The following CCNY variants were observed in gnomAD, a reference collection of about 807,000 sequenced individuals.
CCNY encodes cyclin Y, also known as cyclin-Y.
In CCNY, 19 loss-of-function variants were observed where a neutral mutation model predicts 42.8. The ratio of observed to expected loss-of-function variants is 0.44; its 90% confidence interval spans 0.31 to 0.65. CCNY has a LOEUF of 0.65. Among genes scored for constraint, CCNY ranks in the 30% least tolerant of loss-of-function variants. The pLI is 0.07. For synonymous variants in CCNY, 165 were observed against 162.7 expected, an observed-to-expected ratio of 1.01 and a Z score of -0.11; for missense variants, 370 against 437.3, an observed-to-expected ratio of 0.85 and a Z score of 1.37.
At chr10:35,394,361 C>T (rs1837477950) in intron 1 of CCNY, among the ~76,000 whole-genome samples, 1 of 152,232 alleles carries the variant, frequency 6.6e-6, no homozygotes, top group African/African-American at 2.4e-5. Flanking sequence ...ATTCAATTAA[C>T]ATGTGCATTT....
intron 3 of CCNY, among the ~76,000 whole-genome samples, chr10:35,273,845 G>A (rs1358209683): frequency 1.3e-5 from 2 of 152,142 alleles, no homozygotes; most frequent in Non-Finnish European, 1.5e-5. Context: ...CCCACCACAG[G>A]TCCCTCTAGT....
At chr10:35,406,818 G>A (rs193280659) in intron 1 of CCNY, among the ~76,000 whole-genome samples, 2,052 of 152,138 alleles carry the variant, frequency 0.013, 27 homozygotes, top group Middle Eastern at 0.034. Flanking sequence ...AGGCAGAGGC[G>A]CCCCTCACCT....
intron 3 of CCNY, among the ~76,000 whole-genome samples, chr10:35,253,043 A>G (rs2095713032): frequency 6.6e-6 from 1 of 152,180 alleles, no homozygotes; most frequent in South Asian, 2.1e-4. Context: ...TCTATTTATG[A>G]CAAAAATTCA....
intron 1 of CCNY, among the ~76,000 whole-genome samples, chr10:35,410,859 G>C (rs563370176): frequency 2.0e-5 from 3 of 152,178 alleles, no homozygotes; most frequent in Non-Finnish European, 4.4e-5. Flanking sequence ...GGAGTTCCAG[G>C]TGACGCTGAT....
chr10:35,553,967 T>G (rs1366829308), intron 8 of CCNY, among the ~76,000 whole-genome samples: 1 of 152,238 alleles, frequency 6.6e-6, no homozygotes, highest in Non-Finnish European at 1.5e-5. Context: ...ACTACTTGAC[T>G]TACAGTTCCT....
intron 3 of CCNY, among the ~76,000 whole-genome samples, chr10:35,272,050 G>C (rs551080400): frequency 6.6e-6 from 1 of 152,126 alleles, no homozygotes; most frequent in Non-Finnish European, 1.5e-5. Flanking sequence ...GCAGTGGAGC[G>C]ATCTCGGCTT....
intron 3 of CCNY, among the ~76,000 whole-genome samples, chr10:35,330,756 ATTTT>A (rs1247357767): frequency 1.4e-5 from 2 of 142,724 alleles, no homozygotes; most frequent in South Asian, 2.2e-4. Flanking sequence ...GGCAGCTTTT[ATTTT>A]TTTTTTTTTT....
intron 2 of CCNY, among the ~76,000 whole-genome samples, chr10:35,498,718 G>T (rs1419164431): frequency 1.3e-5 from 2 of 152,200 alleles, no homozygotes; most frequent in Non-Finnish European, 2.9e-5. Flanking sequence ...CGCTCCAGAA[G>T]CAAGTCGGCC....
At chr10:35,396,069 A>T (rs1421522623) in intron 1 of CCNY, among the ~76,000 whole-genome samples, 4 of 151,976 alleles carry the variant, frequency 2.6e-5, no homozygotes, top group African/African-American at 9.7e-5. Context: ...GAGGGCTGGG[A>T]TACTGACTGG....
intron 1 of CCNY, among the ~76,000 whole-genome samples, chr10:35,457,444 C>G (rs1839061804): frequency 6.6e-6 from 1 of 152,128 alleles, no homozygotes; most frequent in South Asian, 2.1e-4. Flanking sequence ...GAGGCCTTGC[C>G]CCTCCGTGTT....
At chr10:35,478,578 C>G (rs937803914) in intron 1 of CCNY, among the ~76,000 whole-genome samples, 37 of 152,286 alleles carry the variant, frequency 2.4e-4, no homozygotes, top group African/African-American at 8.2e-4. Flanking sequence ...GGAAAACTGG[C>G]TAGCCATATG....
chr10:35,425,892 C>T (rs1020701438), intron 1 of CCNY, among the ~76,000 whole-genome samples: 1 of 152,050 alleles, frequency 6.6e-6, no homozygotes, highest in African/African-American at 2.4e-5. Flanking sequence ...CCCTTAGTGA[C>T]CAACTCTGAC....
At chr10:35,556,167 C>T (rs759857320) in intron 8 of CCNY, among the ~76,000 whole-genome samples, 40 of 152,162 alleles carry the variant, frequency 2.6e-4, no homozygotes, top group Non-Finnish European at 4.9e-4. Flanking sequence ...GATCAGTGCC[C>T]CACATGCCTG....
intron 1 of CCNY, among the ~76,000 whole-genome samples, chr10:35,397,056 T>C (rs28425659): frequency 6.6e-6 from 1 of 152,140 alleles, no homozygotes; most frequent in Non-Finnish European, 1.5e-5. Context: ...AGGTGCCCCT[T>C]GGACCCCACA....
chr10:35,293,885 G>C (rs1439022647), intron 3 of CCNY, among the ~76,000 whole-genome samples: 3 of 151,510 alleles, frequency 2.0e-5, no homozygotes, highest in African/African-American at 7.3e-5. Context: ...CTGCCTCCTG[G>C]GTTCAAGTGA....
At chr10:35,508,438 A>C (rs944285027) in intron 3 of CCNY, among the ~76,000 whole-genome samples, 1 of 152,228 alleles carries the variant, frequency 6.6e-6, no homozygotes, top group Non-Finnish European at 1.5e-5. Flanking sequence ...TTTCTGGCAC[A>C]ATAAGATATT....
intron 1 of CCNY, among the ~76,000 whole-genome samples, chr10:35,457,343 C>G (rs968249198): frequency 6.6e-6 from 1 of 152,120 alleles, no homozygotes; most frequent in Non-Finnish European, 1.5e-5. Flanking sequence ...CTGGTGCTGC[C>G]TTTCTTACTT....
chr10:35,493,758 CTT>C (rs1839949427), intron 2 of CCNY, among the ~76,000 whole-genome samples: 1 of 152,326 alleles, frequency 6.6e-6, no homozygotes, highest in East Asian at 1.9e-4. Context: ...GTTAGTACCT[CTT>C]TGTGAGATTG....
rs117833660 is a variant in CCNY, at chr10:35,542,132, G to A, written c.580-10887G>A. Among the ~76,000 whole-genome samples the A allele has an allele frequency of 8.0e-4, 116 of 145,702 alleles. 1 individual carries two copies. The East Asian group carries it at 0.022, about 27-fold the overall frequency. On this transcript the variant is annotated intron_variant, in intron 7 of 9. Transcript: ENST00000374704. Reference sequence around the variant, plus strand: ...GGACACCATATTGTATCTAGTTGCCGTGTCTCCCTAGTCTCCTCTTGGCTG... The same window carrying A: ...GGACACCATATTGTATCTAGTTGCCATGTCTCCCTAGTCTCCTCTTGGCTG...
Sources: allele counts gnomAD v4.1 joint callset (sites outside exome capture counted in the v4.1 genomes callset), GRCh38; gene constraint gnomAD v4.1.1; transcripts MANE v1.5; gene names NCBI Gene and HGNC (gene_info 2026-07-23, HGNC 2026-07-21).